PIWIL2: variants seen among roughly 807,000 people sequenced by gnomAD.
PIWIL2 encodes piwi like RNA-mediated gene silencing 2, also known as piwi-like protein 2.
In PIWIL2, 81 loss-of-function variants were observed where a neutral mutation model predicts 116.5. That is an observed-to-expected ratio of 0.70 (90% CI 0.58 to 0.84). The LOEUF (loss-of-function observed/expected upper bound fraction) is 0.84, where lower values mean the gene tolerates loss of function less well. Among genes scored for constraint, PIWIL2 ranks in the 40% least tolerant of loss-of-function variants. The pLI is 0.00. For missense variants in PIWIL2, 1,272 were observed against 1,212.3 expected (o/e 1.05, Z -0.73); for synonymous variants, 489 against 429.5 (o/e 1.14, Z -1.71).
At chr8:22,310,695 C>T (rs1420442473) in intron 15 of PIWIL2, among the ~76,000 whole-genome samples, 1 of 152,038 alleles carries the variant, frequency 6.6e-6, no homozygotes, top group Admixed American at 6.6e-5. Flanking sequence ...CTCCAGAAGC[C>T]CCCTCCATTC....
At chr8:22,325,547 G>C (rs1426032428) in intron 20 of PIWIL2, among the ~76,000 whole-genome samples, 1 of 138,792 alleles carries the variant, frequency 7.2e-6, no homozygotes, top group Non-Finnish European at 1.5e-5. Flanking sequence ...GCAGAGACGT[G>C]ATCTCCATTC....
intron 20 of PIWIL2, among the ~76,000 whole-genome samples, chr8:22,325,716 T>C (rs939386765): frequency 5.9e-5 from 9 of 152,074 alleles, no homozygotes; most frequent in African/African-American, 1.4e-4. Flanking sequence ...ACTCCTGACC[T>C]CAAGTGATCT....
chr8:22,305,872 G>A (rs1831163771), intron 12 of PIWIL2, 55 bp from the exon 13 acceptor site: 8 of 1,275,986 alleles, frequency 6.3e-6, no homozygotes, highest in Middle Eastern at 1.9e-4. Flanking sequence ...CTGTATGGTC[G>A]GGAACATGAG....
chr8:22,328,897 C>T (rs1171041132), intron 20 of PIWIL2, among the ~76,000 whole-genome samples: 1 of 127,494 alleles, frequency 7.8e-6, no homozygotes, highest in Non-Finnish European at 1.6e-5. Context: ...ATGGAGTCTT[C>T]TTTCTTTTCA....
rs1274236100 is a variant in PIWIL2, at chr8:22,311,193, A to T, written c.1882A>T (p.Ile628Leu). ...AGAACTGGTCAACATGTTGGAGAAGATAGCCGGCCCCATTGGCATGCGTAT... is the reference window on the plus strand; with the variant it reads ...AGAACTGGTCAACATGTTGGAGAAGTTAGCCGGCCCCATTGGCATGCGTAT... ...ARELVNMLEK[I>L]AGPIGMRMSP... Residue 628 changes from isoleucine to leucine, a missense_variant, in exon 16 of 23, where the codon ATA becomes TTA. Ile to Leu is a conservative substitution (Grantham distance 5, BLOSUM62 2). Transcript: ENST00000356766. 2 of 1,614,202 alleles carry T rather than the reference A, an allele frequency of 1.2e-6. No homozygotes were observed. The highest frequency in any genetic ancestry group is 1.7e-6 in the Non-Finnish European group (2 of 1,180,020).
chr8:22,308,507 G>T (rs1831243885), intron 14 of PIWIL2, among the ~76,000 whole-genome samples: 1 of 151,936 alleles, frequency 6.6e-6, no homozygotes, highest in Non-Finnish European at 1.5e-5. Flanking sequence ...ACAAAAATTA[G>T]CTGAGTGTCG....
chr8:22,305,176 T>TTC (rs1563376327), intron 12 of PIWIL2, among the ~76,000 whole-genome samples: 13 of 99,998 alleles, frequency 1.3e-4, no homozygotes, highest in African/African-American at 4.6e-4. Context: ...GATATTCATT[T>TTC]ATTTATTTAT....
chr8:22,308,856 C>T (rs927129995), intron 14 of PIWIL2, among the ~76,000 whole-genome samples: 1 of 152,120 alleles, frequency 6.6e-6, no homozygotes, highest in African/African-American at 2.4e-5. Context: ...ACCATGTTGC[C>T]ATGGCTGGTC....
Position 22,281,500 on chromosome 8 carries a change from C to A in PIWIL2, c.410C>A (p.Ser137Tyr). ...GGGGACAGCAAGATGGCAGAGACCT[C>A]CGTTGGTTGGAGTAGGTGGGTAAAG... ...AAGDSKMAET[S>Y]VGWSRTLGRG... Residue 137 changes from serine to tyrosine, a missense_variant, in exon 4 of 23, where the codon TCC becomes TAC. Transcript: ENST00000356766. 2.5e-6 allele frequency: 4 copies of A among 1,583,188 alleles called. No individual in the cohort carries two copies. Among genetic ancestry groups the A allele is most frequent in the Non-Finnish European group, 3.4e-6 (4 of 1,172,268 alleles).
chr8:22,307,441 A>T (rs934447368), intron 13 of PIWIL2, among the ~76,000 whole-genome samples: 1 of 150,344 alleles, frequency 6.7e-6, no homozygotes, highest in Admixed American at 6.6e-5. Flanking sequence ...TGAAAGAGAG[A>T]GTCGATGACA....
chr8:22,297,202 C>T (rs1022451983), intron 10 of PIWIL2, among the ~76,000 whole-genome samples: 1 of 151,946 alleles, frequency 6.6e-6, no homozygotes, highest in African/African-American at 2.4e-5. Flanking sequence ...GTTGCCAAGG[C>T]TGGTCTCGAA....
At chr8:22,303,732 T>G (rs1434313059) in intron 10 of PIWIL2, among the ~76,000 whole-genome samples, 1 of 152,060 alleles carries the variant, frequency 6.6e-6, no homozygotes, top group African/African-American at 2.4e-5. Flanking sequence ...CAGGCCCTCT[T>G]AAGCTTTTTC....
intron 15 of PIWIL2, 101 bp downstream of exon 15, chr8:22,310,175 A>G (rs1831294056): frequency 1.5e-6 from 1 of 660,024 alleles, no homozygotes; most frequent in Non-Finnish European, 2.7e-6. Flanking sequence ...GAGGGAAAGT[A>G]CCAATTGAAT....
chr8:22,337,613 C>A (rs186263211), intron 20 of PIWIL2, among the ~76,000 whole-genome samples: 1 of 151,134 alleles, frequency 6.6e-6, no homozygotes, highest in African/African-American at 2.4e-5. Flanking sequence ...TGCCTGTAAT[C>A]CGAGGTACTT....
intron 7 of PIWIL2, among the ~76,000 whole-genome samples, chr8:22,287,858 G>C (rs181124800): frequency 6.6e-6 from 1 of 152,138 alleles, no homozygotes; most frequent in Non-Finnish European, 1.5e-5. Flanking sequence ...CTGTATGTTC[G>C]AGTTGTGCTT....
intron 20 of PIWIL2, among the ~76,000 whole-genome samples, chr8:22,336,354 TAAAC>T (rs1475551158): frequency 5.3e-5 from 8 of 152,226 alleles, no homozygotes; most frequent in African/African-American, 1.7e-4. Flanking sequence ...ACATGGAAAT[TAAAC>T]AAGACTGGCT....
At position 22,290,259 on chromosome 8, in the gene PIWIL2, C is replaced by T. The variant is rs1431999237; in HGVS notation, c.1094C>T (p.Ala365Val). 1 of 1,609,768 alleles carries T rather than the reference C, an allele frequency of 6.2e-7. No homozygotes were observed. The highest frequency in any genetic ancestry group is 2.2e-5 in the East Asian group (1 of 44,720). Reference sequence around the variant, plus strand: ...TTGCAGATCTGGCCAGGCTATGCAGCTAGCATCCGAAGGACAGATGGAGGG... The same window carrying T: ...TTGCAGATCTGGCCAGGCTATGCAGTTAGCATCCGAAGGACAGATGGAGGG... The part of the protein sequence containing the change: ...HRLQIWPGYA[A>V]SIRRTDGGLF... Residue 365 changes from alanine to valine, a missense_variant, in exon 10 of 23, where the codon GCT (alanine) becomes GTT (valine). Transcript: ENST00000356766.
At chr8:22,295,563 T>C (rs1003567707) in intron 10 of PIWIL2, among the ~76,000 whole-genome samples, 32 of 151,662 alleles carry the variant, frequency 2.1e-4, no homozygotes, top group African/African-American at 7.0e-4. Context: ...TACCCCGTTA[T>C]GTCACACATG....
At chr8:22,317,440 C>CA (rs1831487625) in intron 19 of PIWIL2, among the ~76,000 whole-genome samples, 3 of 152,196 alleles carry the variant, frequency 2.0e-5, no homozygotes, top group Non-Finnish European at 4.4e-5. Flanking sequence ...TATTGCTAGG[C>CA]ATACTATTCC....
Sources: gnomAD v4.1 joint callset for allele counts (sites outside exome capture counted in the v4.1 genomes callset) on GRCh38, gnomAD v4.1.1 for gene constraint, MANE v1.5 for transcripts, NCBI Gene and HGNC (gene_info 2026-07-23, HGNC 2026-07-21) for gene names.